The following ADGRB3 variants were observed in gnomAD, a reference collection of about 807,000 sequenced individuals.
The protein encoded by ADGRB3 is brain-specific angiogenesis inhibitor 3.
A neutral mutation model predicts 193.4 loss-of-function variants in ADGRB3; 37 were observed. The observed-to-expected ratio is 0.19, with a 90% CI of 0.15 to 0.25. The LOEUF (loss-of-function observed/expected upper bound fraction) is 0.25. Among genes scored for constraint, ADGRB3 ranks in the 10% least tolerant of loss-of-function variants. The pLI is 1.00. For missense variants in ADGRB3, 1,637 were observed against 1,852.9 expected, an observed-to-expected ratio of 0.88 and a Z score of 2.14; for synonymous variants, 690 against 644.2, an observed-to-expected ratio of 1.07 and a Z score of -1.08.
At chr6:69,324,755 GAGA>G (rs1768532432) in intron 20 of ADGRB3, 114 bp from the exon 21 acceptor site, 1 of 1,136,968 alleles carries the variant, frequency 8.8e-7, no homozygotes, top group Non-Finnish European at 1.2e-6. Context: ...TGTCACTGAG[GAGA>G]AGTAGATATT....
chr6:69,155,302 C>T (rs1222598603), intron 17 of ADGRB3, among the ~76,000 whole-genome samples: 2 of 152,170 alleles, frequency 1.3e-5, no homozygotes, highest in Non-Finnish European at 2.9e-5. Flanking sequence ...AACTTCAAGA[C>T]AAGATAAACA....
chr6:69,115,659 A>T (rs1773511220), intron 17 of ADGRB3, among the ~76,000 whole-genome samples: 1 of 152,232 alleles, frequency 6.6e-6, no homozygotes, highest in African/African-American at 2.4e-5. Context: ...TTGTTAAATT[A>T]AAATGGATCA....
At chr6:69,041,260 A>G (rs2150298744) in intron 13 of ADGRB3, among the ~76,000 whole-genome samples, 1 of 151,894 alleles carries the variant, frequency 6.6e-6, no homozygotes, top group East Asian at 1.9e-4. Flanking sequence ...TAGATAACTG[A>G]ATGTTTCTTA....
intron 3 of ADGRB3, among the ~76,000 whole-genome samples, chr6:68,819,300 C>A (rs1031555244): frequency 2.0e-5 from 3 of 151,814 alleles, no homozygotes; most frequent in Non-Finnish European, 2.9e-5. Context: ...TCATCGCTCT[C>A]CTCCTCAATC....
chr6:69,105,920 A>G (rs1244971526), intron 17 of ADGRB3, among the ~76,000 whole-genome samples: 1 of 152,128 alleles, frequency 6.6e-6, no homozygotes, highest in African/African-American at 2.4e-5. Flanking sequence ...GGGTCACCTG[A>G]GGTCAGGAGT....
At chr6:69,146,210 G>C (rs1260740362) in intron 17 of ADGRB3, among the ~76,000 whole-genome samples, 2 of 152,152 alleles carry the variant, frequency 1.3e-5, no homozygotes, top group Non-Finnish European at 1.5e-5. Context: ...AGCACCCAAA[G>C]TCTGGAGGGG....
Position 68,807,632 on chromosome 6 carries a change from C to T in ADGRB3, c.758-122927C>T, listed in dbSNP as rs150083682. Among the ~76,000 whole-genome samples the T allele has an allele frequency of 1.8e-3, 269 of 151,918 alleles. 1 individual carries two copies. Among genetic ancestry groups the T allele is most frequent in the African/African-American group, 4.5e-3 (187 of 41,408 alleles). ...TTCCAACATAAAAATAGAAGCAGTA[C>T]GATAATGATACATAGGCAGTCTCAT... On this transcript the variant is annotated intron_variant, in intron 3 of 31. Transcript: ENST00000370598.
chr6:69,297,155 T>C (rs1211733013), intron 20 of ADGRB3, among the ~76,000 whole-genome samples: 1 of 152,126 alleles, frequency 6.6e-6, no homozygotes, highest in African/African-American at 2.4e-5. Flanking sequence ...AGTTTCATCA[T>C]TGCAGTGATA....
In ADGRB3 at chr6:69,339,433, A is replaced by G; in HGVS notation, c.3388A>G (p.Ile1130Val). The change falls in exon 26 of 32, where the codon ATA (isoleucine) becomes GTA (valine). Residue 1130 changes from isoleucine to valine, a missense_variant. Around this residue, in one of 7 missense-constraint regions of ADGRB3, gnomAD observed 116 missense variants for 168.1 expected, o/e 0.69. Coordinates refer to ENST00000370598, the MANE Select transcript of ADGRB3 (RefSeq NM_001704.3). ...AGATAAACGCTCCATATTGTTTCAA[A>G]TACTTTTTGCTGTGTTTGATTCATT... ...MTDKRSILFQ[I>V]LFAVFDSLQG... The G allele has an allele frequency of 6.2e-7, 1 of 1,614,048 alleles. No homozygotes were observed.
At chr6:69,158,181 G>A (rs561098738) in intron 17 of ADGRB3, among the ~76,000 whole-genome samples, 1 of 151,968 alleles carries the variant, frequency 6.6e-6, no homozygotes, top group Non-Finnish European at 1.5e-5. Flanking sequence ...CTACCATATT[G>A]TAAATAATTT....
intron 3 of ADGRB3, among the ~76,000 whole-genome samples, chr6:68,686,380 C>T (rs993511787): frequency 6.6e-6 from 1 of 152,028 alleles, no homozygotes; most frequent in Non-Finnish European, 1.5e-5. Context: ...CTTGACTGAT[C>T]CATTTTTGCT....
At chr6:68,963,887 A>G (rs1768305244) in intron 8 of ADGRB3, among the ~76,000 whole-genome samples, 1 of 152,184 alleles carries the variant, frequency 6.6e-6, no homozygotes, top group Non-Finnish European at 1.5e-5. Context: ...AGCTTATTGC[A>G]GATGAACTAT....
chr6:69,255,310 T>C (rs1766735063), intron 20 of ADGRB3, among the ~76,000 whole-genome samples: 1 of 152,138 alleles, frequency 6.6e-6, no homozygotes, highest in African/African-American at 2.4e-5. Context: ...TTGAACTAGT[T>C]TACAGTCCCA....
chr6:68,843,972 CAGAAGAATAA>C (rs1387891225), intron 3 of ADGRB3, among the ~76,000 whole-genome samples: 16 of 152,104 alleles, frequency 1.1e-4, no homozygotes, highest in African/African-American at 3.9e-4. Context: ...TATCCATAGG[CAGAAGAATAA>C]AACTAGATTC....
At chr6:69,211,485 G>C (rs1055584524) in intron 17 of ADGRB3, among the ~76,000 whole-genome samples, 8 of 151,946 alleles carry the variant, frequency 5.3e-5, no homozygotes, top group Non-Finnish European at 1.2e-4. Flanking sequence ...ATCTAAAAAA[G>C]TTCCTGTATT....
intron 3 of ADGRB3, among the ~76,000 whole-genome samples, chr6:68,868,951 G>GTGTGTGTGCGTGTGTT (rs781022363): frequency 3.5e-4 from 53 of 150,504 alleles, no homozygotes; most frequent in African/African-American, 1.2e-3. Flanking sequence ...GAGTGTGTGT[G>GTGTGTGTGCGTGTGTT]TTTAAACTTA....
intron 11 of ADGRB3, among the ~76,000 whole-genome samples, chr6:69,013,821 A>T (rs1582394262): frequency 6.6e-6 from 1 of 152,116 alleles, no homozygotes; most frequent in South Asian, 2.1e-4. Context: ...CCCTATTCTG[A>T]CCTCCTCTGA....
At chr6:69,051,513 A>G (rs1307805381) in intron 15 of ADGRB3, among the ~76,000 whole-genome samples, 2 of 152,238 alleles carry the variant, frequency 1.3e-5, no homozygotes, top group Non-Finnish European at 2.9e-5. Context: ...ATCATTGACC[A>G]GATATAAGGA....
At chr6:69,307,567 G>A (rs999364492) in intron 20 of ADGRB3, among the ~76,000 whole-genome samples, 1 of 151,384 alleles carries the variant, frequency 6.6e-6, no homozygotes, top group African/African-American at 2.4e-5. Flanking sequence ...GGAAATTCTG[G>A]GCTTGACCAG....
Sources: allele counts gnomAD v4.1 joint callset (sites outside exome capture counted in the v4.1 genomes callset), GRCh38; gene constraint gnomAD v4.1.1; regional missense constraint gnomAD v4.1.1; transcripts MANE v1.5; gene names NCBI Gene and HGNC (gene_info 2026-07-23, HGNC 2026-07-21).